The following SLC39A11 variants were observed in gnomAD, a reference collection of about 807,000 sequenced individuals.
The protein encoded by SLC39A11 is solute carrier family 39 member 11.
SLC39A11 carries 33 observed loss-of-function variants against 36.1 expected under a neutral mutation model. That is an observed-to-expected ratio of 0.91 (90% CI 0.69 to 1.22). The LOEUF is 1.22. SLC39A11 is among the 50% of genes most tolerant of loss of function. The probability of loss-of-function intolerance (pLI) is 0.00; values close to 1 mark genes in which losing one functional copy is unlikely to be tolerated. For synonymous variants in SLC39A11, 166 were observed against 170.3 expected, an observed-to-expected ratio of 0.97 and a Z score of 0.20; for missense variants, 432 against 430.3, an observed-to-expected ratio of 1.00 and a Z score of -0.03.
At chr17:72,942,194 T>A (rs2085156256) in intron 5 of SLC39A11, among the ~76,000 whole-genome samples, 1 of 151,920 alleles carries the variant, frequency 6.6e-6, no homozygotes, top group Non-Finnish European at 1.5e-5. Context: ...ACACTTCAAA[T>A]GAAGAAACCC....
intron 6 of SLC39A11, among the ~76,000 whole-genome samples, chr17:72,754,160 T>C (rs188341750): frequency 7.3e-5 from 11 of 150,930 alleles, no homozygotes; most frequent in East Asian, 3.9e-4. Context: ...CTGGTTGCGA[T>C]TGGAGACTAT....
intron 1 of SLC39A11, chr17:73,092,274 T>C (rs1213357777): frequency 6.6e-6 from 1 of 152,144 alleles, no homozygotes. Flanking sequence ...CTCCCAGGAA[T>C]CCCGGGTACC....
intron 4 of SLC39A11, among the ~76,000 whole-genome samples, chr17:73,013,966 TTC>T (rs2090669062): frequency 6.6e-6 from 1 of 152,042 alleles, no homozygotes; most frequent in Non-Finnish European, 1.5e-5. Context: ...TCAGTGCAAA[TTC>T]TCTTAGCAGT....
intron 3 of SLC39A11, among the ~76,000 whole-genome samples, chr17:73,034,541 T>G (rs1018889031): frequency 6.6e-6 from 1 of 152,188 alleles, no homozygotes; most frequent in Non-Finnish European, 1.5e-5. Flanking sequence ...TTTTTAAACC[T>G]GACCTGTGCA....
At chr17:72,654,194 A>G (rs2069998672) in intron 7 of SLC39A11, among the ~76,000 whole-genome samples, 1 of 152,146 alleles carries the variant, frequency 6.6e-6, no homozygotes, top group South Asian at 2.1e-4. Context: ...GAAAGGTCCT[A>G]GGCTCCCCTC....
chr17:72,945,671 A>T (rs2147688988), intron 5 of SLC39A11, among the ~76,000 whole-genome samples: 1 of 152,254 alleles, frequency 6.6e-6, no homozygotes, highest in South Asian at 2.1e-4. Context: ...GTAACCCGGT[A>T]ACAGGCTGTG....
chr17:72,917,569 G>C (rs912614902), intron 5 of SLC39A11, among the ~76,000 whole-genome samples: 3 of 152,170 alleles, frequency 2.0e-5, no homozygotes, highest in African/African-American at 7.2e-5. Flanking sequence ...GAAATGTCTA[G>C]AAATGGAAAA....
At chr17:72,895,905 A>G (rs1265596878) in intron 5 of SLC39A11, among the ~76,000 whole-genome samples, 2 of 152,192 alleles carry the variant, frequency 1.3e-5, no homozygotes, top group Non-Finnish European at 2.9e-5. Flanking sequence ...AATATAGATC[A>G]TACACAAATG....
intron 4 of SLC39A11, among the ~76,000 whole-genome samples, chr17:73,012,753 A>G (rs1314724077): frequency 6.6e-6 from 1 of 151,924 alleles, no homozygotes; most frequent in East Asian, 1.9e-4. Flanking sequence ...GACCATGTGT[A>G]CCCAATGTTT....
intron 3 of SLC39A11, among the ~76,000 whole-genome samples, chr17:73,044,197 T>C (rs1271835320): frequency 6.6e-6 from 1 of 152,040 alleles, no homozygotes; most frequent in Non-Finnish European, 1.5e-5. Context: ...CCTCTCCTTG[T>C]TCCCCAAGAG....
chr17:73,029,312 G>C (rs746084683), intron 4 of SLC39A11, among the ~76,000 whole-genome samples: 2 of 151,980 alleles, frequency 1.3e-5, no homozygotes, highest in Non-Finnish European at 2.9e-5. Flanking sequence ...TGGAAGCCCA[G>C]TTGGGTGCAG....
At chr17:72,714,541 C>T (rs1163542670) in intron 7 of SLC39A11, among the ~76,000 whole-genome samples, 1 of 152,156 alleles carries the variant, frequency 6.6e-6, no homozygotes, top group Non-Finnish European at 1.5e-5. Context: ...GTGTCAACAT[C>T]CACCTCCTGC....
chr17:72,900,980 C>CA (rs879423369), intron 5 of SLC39A11, among the ~76,000 whole-genome samples: 155 of 39,370 alleles, frequency 3.9e-3, no homozygotes, highest in East Asian at 7.1e-3. Flanking sequence ...AAACAAACAA[C>CA]AAAAAAAAAA....
intron 7 of SLC39A11, among the ~76,000 whole-genome samples, chr17:72,711,864 C>A (rs2073116638): frequency 6.6e-6 from 1 of 152,132 alleles, no homozygotes; most frequent in African/African-American, 2.4e-5. Flanking sequence ...TAACGAAAGA[C>A]ATGAACAGCC....
At chr17:72,780,436 C>T (rs948462295) in intron 6 of SLC39A11, among the ~76,000 whole-genome samples, 16 of 146,188 alleles carry the variant, frequency 1.1e-4, no homozygotes, top group Admixed American at 1.0e-3. Context: ...AGCTGATAGT[C>T]GGGATGAAAG....
intron 6 of SLC39A11, among the ~76,000 whole-genome samples, chr17:72,807,422 T>G (rs2077293972): frequency 6.6e-6 from 1 of 152,102 alleles, no homozygotes; most frequent in Non-Finnish European, 1.5e-5. Context: ...ATGAGCCCCT[T>G]TTGTTAACAC....
rs745852065 is a variant in SLC39A11 at position 73,088,652 on chromosome 17, C to G, written c.108+5G>C. The G allele has an allele frequency of 1.2e-6, 2 of 1,609,390 alleles. No homozygotes were observed. Among genetic ancestry groups the G allele is most frequent in the Admixed American group, 1.7e-5 (1 of 59,546 alleles). ...AACATCCAGAACCAAAGCAAGGCAA[C>G]TCACCTGTCCACTAGAGAATACGAA... is the stretch of plus-strand genomic sequence containing the variant. On this transcript the variant is annotated splice_donor_5th_base_variant and intron_variant, in intron 2 of 9. Transcript: ENST00000255559.
At chr17:72,868,757 A>G (rs2080452268) in intron 5 of SLC39A11, among the ~76,000 whole-genome samples, 1 of 151,938 alleles carries the variant, frequency 6.6e-6, no homozygotes, top group Non-Finnish European at 1.5e-5. Context: ...GCAGTGAGCC[A>G]TGATCCCACC....
At chr17:72,734,245 G>A (rs1221639417) in intron 7 of SLC39A11, among the ~76,000 whole-genome samples, 1 of 152,156 alleles carries the variant, frequency 6.6e-6, no homozygotes, top group African/African-American at 2.4e-5. Flanking sequence ...ATTTAGAGAG[G>A]AGGGAATCAC....
Sources: allele counts gnomAD v4.1 joint callset (sites outside exome capture counted in the v4.1 genomes callset), GRCh38; gene constraint gnomAD v4.1.1; transcripts MANE v1.5; gene names NCBI Gene and HGNC (gene_info 2026-07-23, HGNC 2026-07-21).